MPPE1: variants seen among roughly 807,000 people sequenced by gnomAD.
The protein encoded by MPPE1 is metallophosphoesterase 1.
MPPE1 carries 28 observed loss-of-function variants against 43.8 expected under a neutral mutation model. That is an observed-to-expected ratio of 0.64 (90% CI 0.47 to 0.88). The LOEUF (loss-of-function observed/expected upper bound fraction) is 0.88, where lower values mean the gene tolerates loss of function less well. MPPE1 is among the 40% of genes least tolerant of loss of function. The pLI is 0.00. For synonymous variants in MPPE1, 159 were observed against 188.5 expected (o/e 0.84, Z 1.28); for missense variants, 428 against 492.2 (o/e 0.87, Z 1.23).
At chr18:11,907,583 T>C (rs2039837578) in intron 1 of MPPE1, among the ~76,000 whole-genome samples, 1 of 151,722 alleles carries the variant, frequency 6.6e-6, no homozygotes, top group African/African-American at 2.4e-5. Flanking sequence ...CCCAAACTCC[T>C]GCGCTGAAGC....
chr18:11,886,931 T>C lies in MPPE1; in HGVS notation c.664A>G (p.Asn222Asp). Residue 222 changes from asparagine to aspartate, a missense_variant, in exon 7 of 11, where the codon AAC (asparagine) becomes GAC (aspartate). By Grantham distance (23) the Asn-to-Asp change is conservative. Transcript: ENST00000588072. The surrounding 1 kb of genome is among the most constrained non-coding windows in gnomAD (Gnocchi z 4.1). ...TGCTCTCCTACCTCTCGGGAGCAGT[T>C]CAGTCTGTGAGAAACTTCAATGAGC... ...AELIEVSHRLNCSREARGSSR... is the reference protein window; with the variant it reads ...AELIEVSHRLDCSREARGSSR... 1 of 1,613,218 alleles carries C rather than the reference T, an allele frequency of 6.2e-7. No individual in the cohort carries two copies. Among genetic ancestry groups the C allele is most frequent in the South Asian group, 1.1e-5 (1 of 91,064 alleles).
intron 4 of MPPE1, among the ~76,000 whole-genome samples, chr18:11,889,724 G>A (rs146376260): frequency 0.011 from 1,665 of 151,922 alleles, 13 homozygotes; most frequent in East Asian, 0.028. Context: ...CACCATGCCC[G>A]GCTAACTTAT....
At chr18:11,894,529 T>C (rs2038376985) in intron 3 of MPPE1, among the ~76,000 whole-genome samples, 1 of 152,074 alleles carries the variant, frequency 6.6e-6, no homozygotes, top group African/African-American at 2.4e-5. Context: ...TGTGAGGCTT[T>C]GAAAAAATTG....
Position 11,884,647 on chromosome 18 carries a change from G to A in MPPE1, c.1009-20C>T. ...GCTACCCTGGAAAGGAGAAGGGAAA[G>A]TTATGCTGAGAGCACCAGGCACACG... On this transcript the variant is annotated intron_variant, in intron 10 of 10. Coordinates refer to ENST00000588072, the MANE Select transcript of MPPE1 (RefSeq NM_023075.6). 2 of 1,610,036 alleles carry A rather than the reference G, an allele frequency of 1.2e-6. No individual in the cohort carries two copies. Among genetic ancestry groups the A allele is most frequent in the Non-Finnish European group, 1.7e-6 (2 of 1,177,174 alleles).
rs1205326496 is a variant in MPPE1 at position 11,908,311 on chromosome 18, G to A, written c.-310C>T. 4 of 152,268 alleles carry A rather than the reference G, an allele frequency of 2.6e-5. No homozygotes were observed. Among genetic ancestry groups the A allele is most frequent in the Admixed American group, 1.3e-4 (2 of 15,284 alleles). The allele number at this position is 152,268 out of a possible 1,614,324, so 9.4% of individuals were successfully genotyped here. The stretch of plus-strand genomic sequence containing the variant: ...TGGCTTCGGTGGCCGAGGGACCCGG[G>A]AACTGCAGCCGGAGCCGGCGCGCAC... On this transcript the variant is annotated 5_prime_UTR_variant, in exon 1 of 11. Coordinates refer to ENST00000588072, the MANE Select transcript of MPPE1 (RefSeq NM_023075.6).
intron 2 of MPPE1, among the ~76,000 whole-genome samples, chr18:11,899,755 A>G (rs2038949433): frequency 6.6e-6 from 1 of 152,186 alleles, no homozygotes; most frequent in Non-Finnish European, 1.5e-5. Context: ...CCAATAAAAA[A>G]ATAAAGTCCC....
At chr18:11,889,644 C>G (rs566734296) in intron 4 of MPPE1, among the ~76,000 whole-genome samples, 154 bp from the exon 5 acceptor site, 4 of 152,016 alleles carry the variant, frequency 2.6e-5, no homozygotes, top group Non-Finnish European at 5.9e-5. Flanking sequence ...CTCACTGCAA[C>G]CTCCATCTCC....
At chr18:11,887,354 A>AGG (rs10639881) in intron 6 of MPPE1, among the ~76,000 whole-genome samples, 51,415 of 151,936 alleles carry the variant, frequency 0.34, 9,626 homozygotes, top group African/African-American at 0.5. Flanking sequence ...TCTTCCATGC[A>AGG]GGGCTAAGAA....
chr18:11,890,503 T>G lies in MPPE1; in HGVS notation c.391-1013A>C, dbSNP rs374958915. ...TTTTGTATTTTTAGTAGACACAGGG[T>G]TTCGCCATGTTGGCCAGGCTGGTCT... On this transcript the variant is annotated intron_variant, in intron 4 of 10. Transcript: ENST00000588072. Among the ~76,000 whole-genome samples, 19 of 151,990 alleles carry G rather than the reference T, an allele frequency of 1.3e-4. 1 individual carries two copies. Among genetic ancestry groups the G allele is most frequent in the African/African-American group, 4.6e-4 (19 of 41,458 alleles).
Position 11,886,423 on chromosome 18 carries a change from G to A in MPPE1, c.867+76C>T, listed in dbSNP as rs756433328. 1 of 1,600,934 alleles carries A rather than the reference G, an allele frequency of 6.2e-7. No individual in the cohort carries two copies. Among genetic ancestry groups the A allele is most frequent in the Non-Finnish European group, 8.5e-7 (1 of 1,169,946 alleles). ...TCAGCAAACACCTGCTCTAGCCTGG[G>A]CACTCTGCTTGTTGACATGCAAGGT... On this transcript the variant is annotated intron_variant, in intron 9 of 10. Coordinates refer to ENST00000588072, the MANE Select transcript of MPPE1 (RefSeq NM_023075.6). This position sits in a 1 kb window ranked among gnomAD's most constrained non-coding sequence, Gnocchi z 4.1.
rs748200673 is a variant in MPPE1 at position 11,893,519 on chromosome 18, G to A, written c.339C>T (p.Val113=). The A allele has an allele frequency of 5.6e-6, 9 of 1,614,120 alleles. No individual in the cohort carries two copies. Among genetic ancestry groups the A allele is most frequent in the East Asian group, 2.2e-5 (1 of 44,880 alleles). ...QTALWLLQPE[V]VFILGDIFDE... ...CAAAGATATCCCCCAGGATGAAGAC[G>A]ACTTCCGGCTGCAGCAACCACAGAG... The change falls in exon 4 of 11, where the codon GTC becomes GTT. Residue 113 remains valine, a synonymous_variant. Coordinates refer to ENST00000588072, the MANE Select transcript of MPPE1 (RefSeq NM_023075.6).
intron 4 of MPPE1, 151 bp downstream of exon 4, chr18:11,893,317 T>C (rs777826760): frequency 3.4e-6 from 2 of 587,564 alleles, no homozygotes; most frequent in Non-Finnish European, 6.1e-6. Context: ...ATTCTAATCA[T>C]CTTCCAAATA....
intron 2 of MPPE1, among the ~76,000 whole-genome samples, chr18:11,903,683 A>G (rs573140159): frequency 5.1e-4 from 78 of 152,232 alleles, no homozygotes; most frequent in Middle Eastern, 6.8e-3. Flanking sequence ...GCAGGTGCCT[A>G]TAGTCCCAGC....
At position 11,886,046 on chromosome 18, in the gene MPPE1, C is replaced by A. The variant is rs564140591; in HGVS notation, c.868-230G>T. The A allele has an allele frequency of 2.5e-5, 8 of 314,768 alleles. No individual in the cohort carries two copies. The South Asian group carries it at 9.4e-4, about 37-fold the overall frequency. The allele number at this position is 314,768 out of a possible 1,614,324, so 19.5% of individuals were successfully genotyped here. ...CATCCCAGATTTTATATACTTTTTA[C>A]GGTATTTTATCTTTATAAATATTTT... On this transcript the variant is annotated intron_variant, in intron 9 of 10. Transcript: ENST00000588072. The surrounding 1 kb of genome is among the most constrained non-coding windows in gnomAD (Gnocchi z 4.1).
At position 11,884,537 on chromosome 18, in the gene MPPE1, A is replaced by G. The variant is rs752415104; in HGVS notation, c.1099T>C (p.Phe367Leu). 13 of 1,613,984 alleles carry G rather than the reference A, an allele frequency of 8.1e-6. No individual in the cohort carries two copies. The Admixed American group carries it at 1.7e-4, about 21-fold the overall frequency. ...TGAGTGAGTGTGAGGACCACAAGGA[A>G]GCCCACCACTCCACAGTAGATGATC... ...VLIIYCGVVG[F>L]LVVLTLTHFG... The change falls in exon 11 of 11, where the codon TTC becomes CTC. Residue 367 changes from phenylalanine (F) to leucine (L), a missense_variant. Around this residue, in one of 3 missense-constraint regions of MPPE1, gnomAD observed 379 missense variants for 402.5 expected, o/e 0.94. Transcript: ENST00000588072.
At position 11,889,980 on chromosome 18, in the gene MPPE1, T is replaced by C. The variant is rs576719446; in HGVS notation, c.391-490A>G. 3.0e-3 allele frequency among the ~76,000 whole-genome samples: 448 copies of C among 151,090 alleles called. 1 individual carries two copies. The highest frequency in any genetic ancestry group is 0.01 in the African/African-American group (420 of 41,110). ...TTTTTTGAGATGGAGTCTCGCTCTG[T>C]TGCCCAGGCTGGAGTGCAGTGGCAC... On this transcript the variant is annotated intron_variant, in intron 4 of 10. Transcript: ENST00000588072.
In MPPE1 at chr18:11,904,334, A is replaced by G. The variant is rs533092180; in HGVS notation, c.-93+1869T>C. On this transcript the variant is annotated intron_variant, in intron 2 of 10. Coordinates refer to ENST00000588072, the MANE Select transcript of MPPE1 (RefSeq NM_023075.6). ...TTATTTATTTATTTATTTTTTTTTG[A>G]GACAAGGTCTCGCCCTGTCACCCAC... Among the ~76,000 whole-genome samples, 370 of 142,824 alleles carry G rather than the reference A, an allele frequency of 2.6e-3. 1 individual carries two copies. Among genetic ancestry groups the G allele is most frequent in the African/African-American group, 9.9e-3 (345 of 34,674 alleles). The allele number at this position is 142,824 out of a possible 152,430, so 93.7% of individuals were successfully genotyped here.
At position 11,889,467 on chromosome 18, in the gene MPPE1, C is replaced by G. The variant is rs774433065; in HGVS notation, c.414G>C (p.Arg138=). ...TTGGGTGTCTGAACATTTTCTGAAA[C>G]CGCTCCACATCATCCGCCCAGGCCT... ...TPEAWADDVE[R]FQKMFRHPSH... is the part of the protein sequence containing the mutation. Residue 138 remains arginine (R), a synonymous_variant, in exon 5 of 11, where the codon CGG becomes CGC. Transcript: ENST00000588072. 3.7e-6 allele frequency: 6 copies of G among 1,613,258 alleles called. No individual in the cohort carries two copies. Among genetic ancestry groups the G allele is most frequent in the Non-Finnish European group, 4.2e-6 (5 of 1,179,682 alleles).
At position 11,889,358 on chromosome 18, in the gene MPPE1, AG is replaced by A. The variant is rs1359587215; in HGVS notation, c.494+28del. The A allele has an allele frequency of 2.2e-6, 3 of 1,370,058 alleles. No individual in the cohort carries two copies. The Admixed American group carries it at 5.7e-5, about 26-fold the overall frequency. 84.9% of individuals were successfully genotyped at this position (1,370,058 alleles called of 1,614,324 possible). On this transcript the variant is annotated intron_variant, in intron 5 of 10. Transcript: ENST00000588072. ...AGAATTACAGTTAACAAGAGCTCTCAGGGTGCAGGGCTTTTGTGAACTACTT... is the reference window on the plus strand; with the variant it reads ...AGAATTACAGTTAACAAGAGCTCTCAGGTGCAGGGCTTTTGTGAACTACTT...
Sources: allele counts gnomAD v4.1 joint callset (sites outside exome capture counted in the v4.1 genomes callset), GRCh38; gene constraint gnomAD v4.1.1; regional missense constraint gnomAD v4.1.1; non-coding constraint Gnocchi (gnomAD v3.1); transcripts MANE v1.5; gene names NCBI Gene and HGNC (gene_info 2026-07-23, HGNC 2026-07-21).